The following ADIPOR2 variants were observed in gnomAD, a reference collection of about 807,000 sequenced individuals.
The protein encoded by ADIPOR2 is adiponectin receptor protein 2.
ADIPOR2 carries 18 observed loss-of-function variants against 40.9 expected under a neutral mutation model. The ratio of observed to expected loss-of-function variants is 0.44; its 90% CI spans 0.30 to 0.65. ADIPOR2 has a LOEUF of 0.65. Ranked by LOEUF, ADIPOR2 falls within the 30% of genes least tolerant of loss-of-function variation. ADIPOR2 has a pLI of 0.09. For missense variants in ADIPOR2, 283 were observed against 479.2 expected (o/e 0.59, Z 3.82); for synonymous variants, 165 against 166.4 (o/e 0.99, Z 0.06).
intron 1 of ADIPOR2, among the ~76,000 whole-genome samples, chr12:1,739,707 T>C (rs1452704753): frequency 6.6e-6 from 1 of 152,228 alleles, no homozygotes. Flanking sequence ...CCTTTTATTA[T>C]AGAAAAAGTT....
chr12:1,767,017 C>T (rs1237752257), intron 2 of ADIPOR2, among the ~76,000 whole-genome samples: 1 of 152,150 alleles, frequency 6.6e-6, no homozygotes, highest in East Asian at 1.9e-4. Flanking sequence ...CGCCCGTAAT[C>T]CCAGCACTTC....
At chr12:1,713,137 G>A (rs917414353) in intron 1 of ADIPOR2, among the ~76,000 whole-genome samples, 4 of 152,114 alleles carry the variant, frequency 2.6e-5, no homozygotes, top group South Asian at 2.1e-4. Flanking sequence ...AAGTTGGGAC[G>A]TGTGATCTGT....
At chr12:1,701,033 G>C (rs2094649113) in intron 1 of ADIPOR2, among the ~76,000 whole-genome samples, 1 of 150,468 alleles carries the variant, frequency 6.6e-6, no homozygotes, top group Admixed American at 6.6e-5. Context: ...TCATTTTTTT[G>C]AGGAAAAAAA....
At chr12:1,731,540 C>T (rs547691845) in intron 1 of ADIPOR2, among the ~76,000 whole-genome samples, 1 of 152,288 alleles carries the variant, frequency 6.6e-6, no homozygotes, top group Admixed American at 6.5e-5. Context: ...CTGGTAAGTT[C>T]TATTACACTT....
At chr12:1,722,236 C>G (rs2094699350) in intron 1 of ADIPOR2, among the ~76,000 whole-genome samples, 1 of 152,198 alleles carries the variant, frequency 6.6e-6, no homozygotes, top group African/African-American at 2.4e-5. Flanking sequence ...GACTTGCTGA[C>G]TGCATGTGAT....
intron 1 of ADIPOR2, among the ~76,000 whole-genome samples, chr12:1,753,602 G>A (rs1281157836): frequency 6.6e-6 from 1 of 152,138 alleles, no homozygotes; most frequent in African/African-American, 2.4e-5. Context: ...TAAGCCTTTT[G>A]AATACAAAAT....
intron 2 of ADIPOR2, among the ~76,000 whole-genome samples, chr12:1,758,235 T>C (rs7134070): frequency 0.053 from 8,069 of 152,332 alleles, 541 homozygotes; most frequent in African/African-American, 0.15. Context: ...CCCATCCTTA[T>C]GAATGAACTC....
At chr12:1,759,499 G>C (rs2154443725) in intron 2 of ADIPOR2, among the ~76,000 whole-genome samples, 1 of 152,288 alleles carries the variant, frequency 6.6e-6, no homozygotes, top group African/African-American at 2.4e-5. Context: ...TATAAAGTAA[G>C]ATTTAAGGTA....
intron 1 of ADIPOR2, among the ~76,000 whole-genome samples, chr12:1,715,713 C>T (rs1007366933): frequency 2.6e-5 from 4 of 152,278 alleles, no homozygotes; most frequent in South Asian, 4.1e-4. Flanking sequence ...GTGAAGCCAG[C>T]TGGACTTCTG....
intron 1 of ADIPOR2, among the ~76,000 whole-genome samples, chr12:1,720,901 C>G (rs1288589245): frequency 6.6e-6 from 1 of 152,190 alleles, no homozygotes; most frequent in Non-Finnish European, 1.5e-5. Flanking sequence ...TCCCTCTGCT[C>G]ACTGAGATAG....
intron 2 of ADIPOR2, chr12:1,757,632 C>G (rs764282323): frequency 1.5e-6 from 2 of 1,304,802 alleles, no homozygotes; most frequent in Non-Finnish European, 2.2e-6. Flanking sequence ...CTTTTGTGCC[C>G]CCAGAGATTT....
At chr12:1,701,071 G>A (rs1290317741) in intron 1 of ADIPOR2, among the ~76,000 whole-genome samples, 1 of 150,858 alleles carries the variant, frequency 6.6e-6, no homozygotes, top group Non-Finnish European at 1.5e-5. Context: ...CAACTTCTTG[G>A]ATTACAGTTT....
At chr12:1,725,783 T>G (rs1262379866) in intron 1 of ADIPOR2, among the ~76,000 whole-genome samples, 1 of 152,196 alleles carries the variant, frequency 6.6e-6, no homozygotes, top group Non-Finnish European at 1.5e-5. Context: ...AAGCCTACGT[T>G]AATGCATTGT....
chr12:1,724,363 T>G (rs958634360), intron 1 of ADIPOR2, among the ~76,000 whole-genome samples: 5 of 152,118 alleles, frequency 3.3e-5, no homozygotes, highest in African/African-American at 7.2e-5. Context: ...AACAATACAC[T>G]AAGTGAAACT....
intron 2 of ADIPOR2, among the ~76,000 whole-genome samples, chr12:1,768,616 T>C (rs1468806616): frequency 6.6e-6 from 1 of 152,188 alleles, no homozygotes; most frequent in East Asian, 1.9e-4. Flanking sequence ...AAATACCCAA[T>C]AGGTTTGTGA....
chr12:1,712,911 T>C (rs923282809), intron 1 of ADIPOR2, among the ~76,000 whole-genome samples: 1 of 152,162 alleles, frequency 6.6e-6, no homozygotes, highest in African/African-American at 2.4e-5. Context: ...GCTGGGCCTT[T>C]GATTTAGATG....
chr12:1,784,989 C>T (rs542128684), intron 7 of ADIPOR2, among the ~76,000 whole-genome samples: 164 of 152,284 alleles, frequency 1.1e-3, no homozygotes, highest in African/African-American at 3.7e-3. Context: ...ATTTATCTTT[C>T]TGATTCATCA....
At chr12:1,710,951 G>A (rs901507936) in intron 1 of ADIPOR2, among the ~76,000 whole-genome samples, 8 of 152,072 alleles carry the variant, frequency 5.3e-5, no homozygotes, top group Non-Finnish European at 7.3e-5. Context: ...TGGCTGTTAC[G>A]GGACCTAGAA....
intron 1 of ADIPOR2, among the ~76,000 whole-genome samples, chr12:1,733,504 A>G (rs967579627): frequency 7.2e-5 from 11 of 152,114 alleles, no homozygotes; most frequent in East Asian, 5.8e-4. Flanking sequence ...AGTTTCTTCT[A>G]TCTTTTTTGT....
Sources: gnomAD v4.1 joint callset for allele counts (sites outside exome capture counted in the v4.1 genomes callset) on GRCh38, gnomAD v4.1.1 for gene constraint, MANE v1.5 for transcripts, NCBI Gene and HGNC (gene_info 2026-07-23, HGNC 2026-07-21) for gene names.